The following DNAI1 variants were observed in gnomAD, a reference collection of about 807,000 sequenced individuals.
The protein encoded by DNAI1 is dynein, axonemal, intermediate polypeptide 1.
In DNAI1, 67 loss-of-function variants were observed where a neutral mutation model predicts 92.0. That is an observed-to-expected ratio of 0.73 (90% CI 0.60 to 0.89). The LOEUF is 0.89. Ranked by LOEUF, DNAI1 falls within the 40% of genes least tolerant of loss-of-function variation. DNAI1 has a pLI of 0.00. For missense variants in DNAI1, 839 were observed against 866.6 expected (o/e 0.97, Z 0.40); for synonymous variants, 323 against 319.6 (o/e 1.01, Z -0.11).
intron 1 of DNAI1, among the ~76,000 whole-genome samples, chr9:34,460,998 G>A (rs548989017): frequency 2.4e-4 from 36 of 152,158 alleles, no homozygotes; most frequent in African/African-American, 7.0e-4. Context: ...CTGCCACCAC[G>A]CCCAGCTAAT....
At position 34,512,162 on chromosome 9, in the gene DNAI1, A is replaced by G. The variant is rs376496298; in HGVS notation, c.1365A>G (p.Ser455=). 9.4e-5 allele frequency: 151 copies of G among 1,614,198 alleles called. No individual in the cohort carries two copies. The African/African-American group carries it at 1.8e-3, about 19-fold the overall frequency. Residue 455 remains serine (S), a synonymous_variant, in exon 14 of 20, where the codon TCA becomes TCG. Coordinates refer to ENST00000242317, the MANE Select transcript of DNAI1 (RefSeq NM_012144.4). The stretch of plus-strand genomic sequence containing the variant: ...AAAACCTTAACTTCTTCTCTGTGTC[A>G]TCTGACGGCAGGATTGTGTCTTGGA... ...MDQNLNFFSV[S]SDGRIVSWTL...
intron 1 of DNAI1, among the ~76,000 whole-genome samples, chr9:34,471,447 CAAAA>C (rs72230032): frequency 1.2e-5 from 1 of 83,970 alleles, no homozygotes. Flanking sequence ...ACCACCACCA[CAAAA>C]AAAAAAAAAA....
chr9:34,520,663 G>T lies in DNAI1; in HGVS notation c.2007G>T (p.Lys669Asn). The change falls in exon 20 of 20, where the codon AAG becomes AAT. Residue 669 changes from lysine to asparagine, a missense_variant. Transcript: ENST00000242317. ...SPNLRKMPKEKKGQEVQKGPA... is the reference protein window; with the variant it reads ...SPNLRKMPKENKGQEVQKGPA... ...TATACTTTCCCTCTCCCCAGGAAAA[G>T]AAGGGGCAGGAGGTGCAGAAGGGTC... is the stretch of plus-strand genomic sequence containing the variant. 1 of 1,551,616 alleles carries T rather than the reference G, an allele frequency of 6.4e-7. No homozygotes were observed. Among genetic ancestry groups the T allele is most frequent in the Non-Finnish European group, 8.7e-7 (1 of 1,146,968 alleles).
At chr9:34,500,451 G>A (rs1010280422) in intron 10 of DNAI1, among the ~76,000 whole-genome samples, 1 of 152,108 alleles carries the variant, frequency 6.6e-6, no homozygotes, top group African/African-American at 2.4e-5. Flanking sequence ...AGACATGGCC[G>A]GTGTATTGTA....
At chr9:34,502,754 C>G (rs60377737) in intron 12 of DNAI1, among the ~76,000 whole-genome samples, 24,691 of 151,926 alleles carry the variant, frequency 0.16, 2,134 homozygotes, top group African/African-American at 0.21. Flanking sequence ...TAGCTACATC[C>G]ACGTGCCTGA....
At chr9:34,511,969 C>A in intron 13 of DNAI1, 140 bp from the exon 14 acceptor site, 1 of 760,728 alleles carries the variant, frequency 1.3e-6, no homozygotes. Context: ...GAGAAAGGAC[C>A]AATCATGGGA....
chr9:34,494,391 C>T (rs1273507012), intron 9 of DNAI1, among the ~76,000 whole-genome samples: 2 of 152,108 alleles, frequency 1.3e-5, no homozygotes, highest in African/African-American at 4.8e-5. Flanking sequence ...TGATCATGGC[C>T]GTGCGGGTAC....
intron 1 of DNAI1, among the ~76,000 whole-genome samples, chr9:34,473,608 G>A (rs7031986): frequency 0.025 from 3,782 of 152,162 alleles, 170 homozygotes; most frequent in African/African-American, 0.087. Context: ...GCTAATTAAC[G>A]TATGCATTAC....
At chr9:34,460,570 T>G (rs764598682) in intron 1 of DNAI1, among the ~76,000 whole-genome samples, 1 of 152,244 alleles carries the variant, frequency 6.6e-6, no homozygotes, top group Non-Finnish European at 1.5e-5. Flanking sequence ...TAATTTTATG[T>G]TGGGGTTGGG....
chr9:34,511,163 G>A (rs931170824), intron 13 of DNAI1, among the ~76,000 whole-genome samples: 9 of 152,216 alleles, frequency 5.9e-5, no homozygotes, highest in Non-Finnish European at 7.3e-5. Context: ...CTAGAGAATG[G>A]AAAACTCTGG....
In DNAI1 at chr9:34,513,039, T is replaced by C. The variant is rs569933188; in HGVS notation, c.1490-73T>C. 19 of 1,222,432 alleles carry C rather than the reference T, an allele frequency of 1.6e-5. No homozygotes were observed. In the East Asian group the frequency reaches 3.7e-4, roughly 24 times the overall value. 75.7% of individuals were successfully genotyped at this position (1,222,432 alleles called of 1,614,324 possible). On this transcript the variant is annotated intron_variant, in intron 15 of 19. Transcript: ENST00000242317. ...TGAGAGTGCCTGGGCTGAGCTCCTCTGCTGAGTAGGGGAGGCACTGGGAGC... is the reference window on the plus strand; with the variant it reads ...TGAGAGTGCCTGGGCTGAGCTCCTCCGCTGAGTAGGGGAGGCACTGGGAGC...
intron 16 of DNAI1, 113 bp from the exon 17 acceptor site, chr9:34,514,281 G>A: frequency 7.2e-7 from 1 of 1,394,226 alleles, no homozygotes; most frequent in South Asian, 1.2e-5. Context: ...GTTCAGCTGG[G>A]ATGCGATGTG....
chr9:34,478,895 T>G (rs771336957), intron 1 of DNAI1: 14 of 151,986 alleles, frequency 9.2e-5, no homozygotes, highest in Non-Finnish European at 1.8e-4. Flanking sequence ...ACTAACAGAG[T>G]GTCTATTTAC....
intron 1 of DNAI1, among the ~76,000 whole-genome samples, chr9:34,480,232 T>G (rs1824325142): frequency 6.6e-6 from 1 of 151,980 alleles, no homozygotes; most frequent in African/African-American, 2.4e-5. Context: ...ATTTGTTCTG[T>G]ATATATACTG....
chr9:34,517,518 G>A, intron 19 of DNAI1, 51 bp downstream of exon 19: 1 of 1,610,926 alleles, frequency 6.2e-7, no homozygotes, highest in East Asian at 2.2e-5. Flanking sequence ...TCTCCAGGAG[G>A]GTGGGGATGA....
intron 1 of DNAI1, among the ~76,000 whole-genome samples, chr9:34,474,661 C>T (rs182873679): frequency 6.6e-5 from 10 of 151,112 alleles, no homozygotes; most frequent in South Asian, 2.1e-4. Context: ...CTCCGCCTCC[C>T]GGGTTCAAGT....
Position 34,497,176 on chromosome 9 carries a change from A to G in DNAI1, c.878A>G (p.Asn293Ser), listed in dbSNP as rs1317913125. 1.2e-6 allele frequency: 2 copies of G among 1,614,032 alleles called. No individual in the cohort carries two copies. Among genetic ancestry groups the G allele is most frequent in the Admixed American group, 1.7e-5 (1 of 60,036 alleles). Residue 293 changes from asparagine (N) to serine (S), a missense_variant, in exon 10 of 20, where the codon AAT (asparagine) becomes AGT (serine). Physicochemically the swap from Asn to Ser is conservative, Grantham distance 46. Transcript: ENST00000242317. Reference sequence around the variant, plus strand: ...ATCATGGAGCGGATGGTCAACCAGAATACATATGATGACATTGCTCAAGGT... The same window carrying G: ...ATCATGGAGCGGATGGTCAACCAGAGTACATATGATGACATTGCTCAAGGT... ...AKIMERMVNQ[N>S]TYDDIAQDFK...
intron 8 of DNAI1, among the ~76,000 whole-genome samples, chr9:34,492,536 T>TATATA (rs1824631068): frequency 1.9e-5 from 1 of 52,220 alleles, no homozygotes; most frequent in Non-Finnish European, 4.8e-5. Context: ...ATATATATAT[T>TATATA]TGAGACAAGG....
chr9:34,520,112 G>C (rs1825240901), intron 19 of DNAI1, among the ~76,000 whole-genome samples: 1 of 152,094 alleles, frequency 6.6e-6, no homozygotes, highest in South Asian at 2.1e-4. Context: ...CCCAACCCTG[G>C]GTATGTCTGA....
Sources: allele counts gnomAD v4.1 joint callset (sites outside exome capture counted in the v4.1 genomes callset), GRCh38; gene constraint gnomAD v4.1.1; transcripts MANE v1.5; gene names NCBI Gene and HGNC (gene_info 2026-07-23, HGNC 2026-07-21).